The following SCAPER variants were observed in gnomAD, a reference collection of about 807,000 sequenced individuals.
SCAPER encodes S-phase cyclin A associated protein in the ER.
SCAPER carries 98 observed loss-of-function variants against 182.2 expected under a neutral mutation model. The ratio of observed to expected loss-of-function variants is 0.54; its 90% CI spans 0.46 to 0.64. The LOEUF (loss-of-function observed/expected upper bound fraction) is 0.64. SCAPER is among the 30% of genes least tolerant of loss of function. The pLI, the probability that SCAPER is intolerant of heterozygous loss-of-function variation, is 0.00. For synonymous variants in SCAPER, 605 were observed against 564.6 expected (o/e 1.07, Z -1.01); for missense variants, 1,432 against 1,690.0 (o/e 0.85, Z 2.68).
chr15:76,858,461 CTTTT>C (rs796171889), intron 3 of SCAPER, among the ~76,000 whole-genome samples: 1 of 149,010 alleles, frequency 6.7e-6, no homozygotes, highest in Non-Finnish European at 1.5e-5. Flanking sequence ...AAATAAAATT[CTTTT>C]TTTTTTCTTT....
chr15:76,579,102 T>TG (rs35514276), intron 22 of SCAPER, among the ~76,000 whole-genome samples: 71,513 of 151,092 alleles, frequency 0.47, 18,263 homozygotes, highest in Middle Eastern at 0.64. Flanking sequence ...CTGCCTTGAC[T>TG]AAAAATACAA....
intron 26 of SCAPER, among the ~76,000 whole-genome samples, chr15:76,422,326 T>C (rs985029945): frequency 6.6e-6 from 1 of 152,096 alleles, no homozygotes; most frequent in African/African-American, 2.4e-5. Flanking sequence ...CCTTGAAGAG[T>C]TCCTTCACAT....
intron 24 of SCAPER, among the ~76,000 whole-genome samples, chr15:76,476,410 T>C (rs1212130669): frequency 6.6e-6 from 1 of 151,312 alleles, no homozygotes; most frequent in Non-Finnish European, 1.5e-5. Context: ...TCCTTTCCCT[T>C]CCTTTCCTTT....
At chr15:76,483,741 G>T (rs1567236378) in intron 24 of SCAPER, among the ~76,000 whole-genome samples, 1 of 152,048 alleles carries the variant, frequency 6.6e-6, no homozygotes, top group South Asian at 2.1e-4. Context: ...AATAATCATA[G>T]AAAAAGATGT....
chr15:76,592,230 G>A (rs1456902926), intron 22 of SCAPER, among the ~76,000 whole-genome samples: 3 of 151,418 alleles, frequency 2.0e-5, no homozygotes, highest in African/African-American at 7.3e-5. Flanking sequence ...TTTTTAAAAT[G>A]GCATCTTAGA....
rs544394720 is a variant in SCAPER, at chr15:76,659,134, G to C, written c.2645+6519C>G. Among the ~76,000 whole-genome samples the C allele has an allele frequency of 5.9e-4, 90 of 152,218 alleles. 1 individual carries two copies. The South Asian group carries it at 8.3e-3, about 14-fold the overall frequency. On this transcript the variant is annotated intron_variant, in intron 21 of 31. Transcript: ENST00000563290. The stretch of plus-strand genomic sequence containing the variant: ...AAAGAAAATATTACCAGAGTAAACA[G>C]CCAACCTACATACTGGGAGAAAATA...
chr15:76,414,753 C>A (rs1458742679), intron 26 of SCAPER, among the ~76,000 whole-genome samples: 1 of 152,112 alleles, frequency 6.6e-6, no homozygotes, highest in Admixed American at 6.5e-5. Context: ...GAAGCAAAAT[C>A]ATACTAATTA....
intron 23 of SCAPER, among the ~76,000 whole-genome samples, chr15:76,541,849 T>G (rs1426810019): frequency 4.6e-5 from 7 of 152,232 alleles, no homozygotes; most frequent in African/African-American, 1.7e-4. Context: ...AAGTTAATAA[T>G]CAATTTTGTA....
At chr15:76,771,267 A>G (rs2063456562) in intron 10 of SCAPER, among the ~76,000 whole-genome samples, 1 of 152,058 alleles carries the variant, frequency 6.6e-6, no homozygotes, top group South Asian at 2.1e-4. Flanking sequence ...AAATAATCAC[A>G]AATCAATGCA....
intron 23 of SCAPER, among the ~76,000 whole-genome samples, 176 bp downstream of exon 23, chr15:76,573,982 T>C (rs1347125307): frequency 6.6e-6 from 1 of 151,986 alleles, no homozygotes; most frequent in African/African-American, 2.4e-5. Flanking sequence ...TGAAAATAGC[T>C]TCAATTAAAC....
chr15:76,440,625 T>C (rs1318595083), intron 25 of SCAPER, among the ~76,000 whole-genome samples: 2 of 151,718 alleles, frequency 1.3e-5, no homozygotes, highest in Non-Finnish European at 2.9e-5. Context: ...AGTGTCAGAG[T>C]ACAGAAAAAA....
intron 23 of SCAPER, among the ~76,000 whole-genome samples, chr15:76,510,584 T>C (rs1209686221): frequency 6.6e-6 from 1 of 152,008 alleles, no homozygotes; most frequent in South Asian, 2.1e-4. Flanking sequence ...TTAAAAAAAA[T>C]AGATGTTGGT....
intron 23 of SCAPER, among the ~76,000 whole-genome samples, chr15:76,524,689 GTTTTTTTTTTTTTT>G (rs35944222): frequency 1.0e-4 from 5 of 50,116 alleles, no homozygotes; most frequent in African/African-American, 3.3e-4. Context: ...TTTTTGTTCT[GTTTTTTTTTTTTTT>G]TTTTTTTTTT....
intron 29 of SCAPER, among the ~76,000 whole-genome samples, chr15:76,375,215 C>CAAAAAA (rs35499483): frequency 3.5e-5 from 2 of 56,904 alleles, no homozygotes; most frequent in African/African-American, 8.6e-5. Flanking sequence ...AAGAACTTGT[C>CAAAAAA]AAAAAAAAAA....
chr15:76,871,402 C>T (rs1194195464), intron 2 of SCAPER, among the ~76,000 whole-genome samples: 1 of 133,710 alleles, frequency 7.5e-6, no homozygotes, highest in Non-Finnish European at 1.6e-5. Flanking sequence ...GAACGAGACT[C>T]CATCTCAAAA....
chr15:76,775,818 T>G (rs576222186), intron 8 of SCAPER, among the ~76,000 whole-genome samples: 1 of 152,046 alleles, frequency 6.6e-6, no homozygotes, highest in South Asian at 2.1e-4. Context: ...CACACCAAAA[T>G]AGCCTAAAAA....
intron 6 of SCAPER, among the ~76,000 whole-genome samples, chr15:76,803,154 C>A (rs2065913245): frequency 6.6e-6 from 1 of 152,206 alleles, no homozygotes; most frequent in African/African-American, 2.4e-5. Context: ...GAGCTCTACA[C>A]AATGTGGTCC....
Position 76,471,259 on chromosome 15 carries a change from T to C in SCAPER, c.3031A>G (p.Ser1011Gly). Residue 1011 changes from serine to glycine, a missense_variant, in exon 25 of 32, where the codon AGT (serine) becomes GGT (glycine). Coordinates refer to ENST00000563290, the MANE Select transcript of SCAPER (RefSeq NM_020843.4). Reference sequence around the variant, plus strand: ...TCCATTAAGAAGGTAATCTTGTTACTAAACAGAACATCACTGCAGTTTTCT... The same window carrying C: ...TCCATTAAGAAGGTAATCTTGTTACCAAACAGAACATCACTGCAGTTTTCT... ...CSENCSDVLF[S>G]NKITFLMDLL... The C allele has an allele frequency of 6.2e-7, 1 of 1,612,670 alleles. No individual in the cohort carries two copies.
At chr15:76,463,238 A>G (rs1371715715) in intron 25 of SCAPER, among the ~76,000 whole-genome samples, 1 of 152,124 alleles carries the variant, frequency 6.6e-6, no homozygotes, top group East Asian at 1.9e-4. Context: ...GTGTTGAGGG[A>G]TTTTTGCTCC....
Sources: gnomAD v4.1 joint callset for allele counts (sites outside exome capture counted in the v4.1 genomes callset) on GRCh38, gnomAD v4.1.1 for gene constraint, MANE v1.5 for transcripts, NCBI Gene and HGNC (gene_info 2026-07-23, HGNC 2026-07-21) for gene names.